The following IL19 variants were observed in gnomAD, a reference collection of about 807,000 sequenced individuals.
The protein encoded by IL19 is interleukin 19, also known as interleukin-19.
Under a neutral mutation model 19.5 loss-of-function variants are expected in IL19, and 15 were observed. The observed-to-expected ratio is 0.77, with a 90% CI of 0.52 to 1.19. The LOEUF is 1.19. Among genes scored for constraint, IL19 ranks in the 50% most tolerant of loss-of-function variants. The probability of loss-of-function intolerance (pLI) is 0.00; values close to 1 mark genes in which losing one functional copy is unlikely to be tolerated. For synonymous variants in IL19, 78 were observed against 78.3 expected, an observed-to-expected ratio of 1.00 and a Z score of 0.02; for missense variants, 199 against 213.1, an observed-to-expected ratio of 0.93 and a Z score of 0.41.
At chr1:206,840,817 C>T (rs1284714359) in intron 5 of IL19, among the ~76,000 whole-genome samples, 187 bp from the exon 6 acceptor site, 1 of 152,140 alleles carries the variant, frequency 6.6e-6, no homozygotes, top group Non-Finnish European at 1.5e-5. Flanking sequence ...AAACAAAAGG[C>T]GTGGGCAGAT....
chr1:206,794,583 A>G (rs1176115745), intron 1 of IL19, among the ~76,000 whole-genome samples: 1 of 152,028 alleles, frequency 6.6e-6, no homozygotes, highest in East Asian at 1.9e-4. Context: ...TCATCTTCTC[A>G]CGTAGATTTT....
Position 206,783,761 on chromosome 1 carries a change from G to A in IL19, c.-149+12683G>A, listed in dbSNP as rs186951788. ...GGTTAAGTGTGCGGGCCCTGGAGTC[G>A]GACTGGGTTTGCAACCCAGCTCTGC... On this transcript the variant is annotated intron_variant, in intron 1 of 6. Coordinates refer to ENST00000659997, the MANE Select transcript of IL19 (RefSeq NM_153758.5). 3.2e-3 allele frequency among the ~76,000 whole-genome samples: 485 copies of A among 152,274 alleles called. 3 individuals carry two copies. The highest frequency in any genetic ancestry group is 0.02 in the South Asian group (98 of 4,824).
rs66469360 is a variant in IL19 at position 206,802,666 on chromosome 1, A to ATT, written c.-3+3669_-3+3670dup. Among the ~76,000 whole-genome samples the ATT allele has an allele frequency of 2.5e-3, 368 of 148,910 alleles. 3 individuals are homozygous for ATT. The highest frequency in any genetic ancestry group is 8.7e-3 in the African/African-American group (351 of 40,578). On this transcript the variant is annotated intron_variant, in intron 2 of 6. Coordinates refer to ENST00000659997, the MANE Select transcript of IL19 (RefSeq NM_153758.5). ...GACATAATGAGGGTACAAATTTTCA[A>ATT]TTTTTTTTTTCTTTTTTTTTTGCCA...
In IL19 at chr1:206,840,011, C is replaced by T. The variant is rs781356393; in HGVS notation, c.363+9C>T. On this transcript the variant is annotated intron_variant, in intron 5 of 6. Transcript: ENST00000659997. ...AAACTCTGCGGCAATGTGTGAGTCA[C>T]TGGGTCAGAATTCCAGCATCTGCTC... is the stretch of plus-strand genomic sequence containing the variant. 3.1e-6 allele frequency: 5 copies of T among 1,614,048 alleles called. No individual in the cohort carries two copies. Among genetic ancestry groups the T allele is most frequent in the Non-Finnish European group, 4.2e-6 (5 of 1,180,014 alleles).
At chr1:206,841,968 A>G (rs1411887474) in intron 6 of IL19, among the ~76,000 whole-genome samples, 1 of 152,222 alleles carries the variant, frequency 6.6e-6, no homozygotes, top group Admixed American at 6.5e-5. Context: ...AGGACGCGCT[A>G]AAAGCATGAA....
chr1:206,842,510 T>A lies in IL19; in HGVS notation c.439-17T>A. ...CAGTCTAGAAAGGTGGGTTCTTACA[T>A]TGATCTCTGATTTCAGCTGGAGGTC... On this transcript the variant is annotated splice_polypyrimidine_tract_variant and intron_variant, in intron 6 of 6. Coordinates refer to ENST00000659997, the MANE Select transcript of IL19 (RefSeq NM_153758.5). 1 of 1,506,950 alleles carries A rather than the reference T, an allele frequency of 6.6e-7. No individual in the cohort carries two copies. Among genetic ancestry groups the A allele is most frequent in the Non-Finnish European group, 9.1e-7 (1 of 1,103,996 alleles). The allele number at this position is 1,506,950 out of a possible 1,614,324, so 93.3% of individuals were successfully genotyped here. A position where few individuals can be genotyped will look rare whatever the true frequency, so the allele number is the denominator to read the frequency against.
chr1:206,841,113 A>C (rs1293167972), intron 6 of IL19, 35 bp downstream of exon 6: 1 of 1,567,410 alleles, frequency 6.4e-7, no homozygotes, highest in Non-Finnish European at 8.8e-7. Context: ...AAGATGGAAG[A>C]TGAGAGGTAG....
chr1:206,777,653 G>T (rs983905256), intron 1 of IL19, among the ~76,000 whole-genome samples: 1 of 152,282 alleles, frequency 6.6e-6, no homozygotes, highest in South Asian at 2.1e-4. Flanking sequence ...CAGAGAGCAG[G>T]CAGGTTGACG....
At chr1:206,832,827 C>T (rs940252604) in intron 2 of IL19, among the ~76,000 whole-genome samples, 26 of 152,186 alleles carry the variant, frequency 1.7e-4, no homozygotes, top group African/African-American at 5.3e-4. Context: ...CAACACTTAC[C>T]ATTTTATTAT....
intron 2 of IL19, among the ~76,000 whole-genome samples, chr1:206,822,025 G>A (rs1402765545): frequency 2.0e-5 from 3 of 152,188 alleles, no homozygotes; most frequent in Non-Finnish European, 2.9e-5. Flanking sequence ...CACCGTGCCT[G>A]GAATCTGGAG....
At chr1:206,827,781 T>G (rs1340033994) in intron 2 of IL19, among the ~76,000 whole-genome samples, 4 of 151,524 alleles carry the variant, frequency 2.6e-5, no homozygotes, top group Non-Finnish European at 5.9e-5. Flanking sequence ...ATGAGAAGGG[T>G]GGGCCAGATG....
intron 2 of IL19, among the ~76,000 whole-genome samples, chr1:206,806,685 C>T (rs1052380260): frequency 6.6e-6 from 1 of 152,190 alleles, no homozygotes. Context: ...TCACCCAGTC[C>T]TATCATTCTA....
chr1:206,837,130 A>G lies in IL19; in HGVS notation c.210+107A>G, dbSNP rs370251083. 2.7e-5 allele frequency: 24 copies of G among 879,192 alleles called. 1 individual carries two copies. In the African/African-American group the frequency reaches 3.0e-4, roughly 11 times the overall value. 54.5% of individuals were successfully genotyped at this position (879,192 alleles called of 1,614,324 possible). ...GTCCCCTTCTCTTTCCTAATCTCCAATGTACTCTAAATGCACCAGGCTTCT... is the reference window on the plus strand; with the variant it reads ...GTCCCCTTCTCTTTCCTAATCTCCAGTGTACTCTAAATGCACCAGGCTTCT... On this transcript the variant is annotated intron_variant, in intron 4 of 6. Coordinates refer to ENST00000659997, the MANE Select transcript of IL19 (RefSeq NM_153758.5).
At chr1:206,798,781 T>C in intron 1 of IL19, 80 bp from the exon 2 acceptor site, 1 of 708,798 alleles carries the variant, frequency 1.4e-6, no homozygotes, top group East Asian at 2.7e-5. Flanking sequence ...GTGTGCACTT[T>C]TGCCGACCTC....
chr1:206,774,545 C>A (rs542349113), intron 1 of IL19, among the ~76,000 whole-genome samples: 2 of 152,188 alleles, frequency 1.3e-5, no homozygotes, highest in Admixed American at 6.5e-5. Flanking sequence ...GGGCACCAGG[C>A]AGGCCAGGGG....
intron 1 of IL19, among the ~76,000 whole-genome samples, chr1:206,788,631 C>T (rs574641653): frequency 1.3e-5 from 2 of 152,102 alleles, no homozygotes; most frequent in Non-Finnish European, 2.9e-5. Flanking sequence ...TCATCCAGGC[C>T]TCTGACACCT....
intron 2 of IL19, among the ~76,000 whole-genome samples, chr1:206,805,184 C>T (rs979107018): frequency 6.6e-6 from 1 of 152,196 alleles, no homozygotes; most frequent in African/African-American, 2.4e-5. Flanking sequence ...TTTACCTTCT[C>T]AATGGGACTT....
At chr1:206,818,434 C>T (rs1676216679) in intron 2 of IL19, among the ~76,000 whole-genome samples, 1 of 152,002 alleles carries the variant, frequency 6.6e-6, no homozygotes, top group Admixed American at 6.5e-5. Context: ...TGAAACCAGA[C>T]AAAAAAGACT....
At chr1:206,840,960 A>G (rs756344661) in intron 5 of IL19, 44 bp from the exon 6 acceptor site, 12 of 1,508,348 alleles carry the variant, frequency 8.0e-6, no homozygotes, top group African/African-American at 2.8e-5. Flanking sequence ...AGAGGGCCAG[A>G]GTGGAAATGT....
Sources: gnomAD v4.1 joint callset for allele counts (sites outside exome capture counted in the v4.1 genomes callset) on GRCh38, gnomAD v4.1.1 for gene constraint, MANE v1.5 for transcripts, NCBI Gene and HGNC (gene_info 2026-07-23, HGNC 2026-07-21) for gene names.